Variants in CNDP2 observed in about 807,000 individuals in gnomAD.
CNDP2 encodes carnosine dipeptidase 2.
Under a neutral mutation model 55.0 loss-of-function variants are expected in CNDP2, and 38 were observed. The ratio of observed to expected loss-of-function variants is 0.69; its 90% CI spans 0.53 to 0.90. CNDP2 has a LOEUF of 0.90. CNDP2 is among the 40% of genes least tolerant of loss of function. CNDP2 has a pLI of 0.00. For synonymous variants in CNDP2, 241 were observed against 260.2 expected (o/e 0.93, Z 0.71); for missense variants, 607 against 621.7 (o/e 0.98, Z 0.25).
chr18:74,499,815 G>A (rs2144569043), intron 1 of CNDP2, 67 bp from the exon 2 acceptor site: 1 of 545,688 alleles, frequency 1.8e-6, no homozygotes, highest in Non-Finnish European at 3.2e-6. Context: ...CTCTGGCTGG[G>A]TGTTGCAGTG....
intron 10 of CNDP2, 78 bp from the exon 11 acceptor site, chr18:74,518,871 A>G (rs757043538): frequency 1.3e-6 from 2 of 1,587,274 alleles, no homozygotes. Flanking sequence ...ACTGAGTGCT[A>G]CTGAGTAGTG....
chr18:74,519,893 T>C (rs1485421122), intron 11 of CNDP2, 106 bp from the exon 12 acceptor site: 19 of 982,682 alleles, frequency 1.9e-5, no homozygotes, highest in Non-Finnish European at 2.9e-5. Context: ...TGGGGGATGC[T>C]CCCCAGGAAG....
chr18:74,511,748 G>A (rs1425755581), intron 6 of CNDP2, among the ~76,000 whole-genome samples: 1 of 152,054 alleles, frequency 6.6e-6, no homozygotes, highest in Non-Finnish European at 1.5e-5. Flanking sequence ...CACCAAGAGT[G>A]GGAAGGGACA....
intron 6 of CNDP2, chr18:74,512,228 G>C (rs928291107): frequency 1.9e-6 from 1 of 517,432 alleles, no homozygotes; most frequent in East Asian, 3.3e-5. Flanking sequence ...TAGTGTTACC[G>C]TCTTATCTGT....
chr18:74,517,239 A>C (rs1026806640), intron 9 of CNDP2: 1 of 152,188 alleles, frequency 6.6e-6, no homozygotes, highest in Non-Finnish European at 1.5e-5. Flanking sequence ...ACTACTAAAG[A>C]AAAAAAGCTA....
intron 1 of CNDP2, among the ~76,000 whole-genome samples, chr18:74,497,131 C>G (rs1414897170): frequency 6.6e-6 from 1 of 152,082 alleles, no homozygotes; most frequent in Non-Finnish European, 1.5e-5. Flanking sequence ...AAACTCCCCA[C>G]CGCCTGCCAA....
Position 74,499,927 on chromosome 18 carries a change from T to C in CNDP2, c.-47T>C. 1 of 1,586,168 alleles carries C rather than the reference T, an allele frequency of 6.3e-7. No homozygotes were observed. The highest frequency in any genetic ancestry group is 1.1e-5 in the South Asian group (1 of 90,402). ...AGAGACAGGACTGACCAGTTGCTCTTCCTTCCAAGAACCTTCGAGATCTGC... is the reference window on the plus strand; with the variant it reads ...AGAGACAGGACTGACCAGTTGCTCTCCCTTCCAAGAACCTTCGAGATCTGC... On this transcript the variant is annotated 5_prime_UTR_variant, in exon 2 of 12. Coordinates refer to ENST00000324262, the MANE Select transcript of CNDP2 (RefSeq NM_018235.3).
rs1599058984 is a variant in CNDP2 at position 74,501,047 on chromosome 18, G to A, written c.61-282G>A. 1.0e-5 allele frequency: 6 copies of A among 577,874 alleles called. No individual in the cohort carries two copies. The East Asian group carries it at 4.6e-4, about 45-fold the overall frequency. The allele number at this position is 577,874 out of a possible 1,614,324, so 35.8% of individuals were successfully genotyped here. A position where few individuals can be genotyped will look rare whatever the true frequency, so the allele number is the denominator to read the frequency against. The stretch of plus-strand genomic sequence containing the variant: ...GGGTCCGGTTTTGGGCCTGGCGCCG[G>A]GCTGCCTGTCTTTGATTTCACTTCC... On this transcript the variant is annotated intron_variant, in intron 2 of 11. Transcript: ENST00000324262.
chr18:74,500,643 T>C (rs1251732681), intron 2 of CNDP2, among the ~76,000 whole-genome samples: 1 of 152,224 alleles, frequency 6.6e-6, no homozygotes, highest in African/African-American at 2.4e-5. Context: ...TTTTGTACTC[T>C]AGTTCTTGGT....
At chr18:74,516,972 A>ACAGACGCGGTAGCTTACGTGG (rs1263589949) in intron 9 of CNDP2, 1 of 150,316 alleles carries the variant, frequency 6.7e-6, no homozygotes, top group Non-Finnish European at 1.5e-5. Context: ...AATAAAGACC[A>ACAGACGCGGTAGCTTACGTGG]CAGACGCGGT....
intron 8 of CNDP2, 28 bp downstream of exon 8, chr18:74,513,747 C>G: frequency 6.2e-7 from 1 of 1,605,562 alleles, no homozygotes; most frequent in Middle Eastern, 1.7e-4. Flanking sequence ...ACTCTGCCAC[C>G]TGCCCAGGCC....
At chr18:74,518,249 G>A (rs746222) in intron 9 of CNDP2, 22,178 of 316,856 alleles carry the variant, frequency 0.07, 1,426 homozygotes, top group African/African-American at 0.21. Flanking sequence ...ACAACAGAGC[G>A]AGACTCCATC....
At chr18:74,501,055 G>A (rs1483448776) in intron 2 of CNDP2, 42 of 667,136 alleles carry the variant, frequency 6.3e-5, no homozygotes, top group Non-Finnish European at 8.0e-5. Context: ...CGGGCTGCCT[G>A]TCTTTGATTT....
chr18:74,511,708 A>C (rs1028132495), intron 6 of CNDP2, among the ~76,000 whole-genome samples: 1 of 90,506 alleles, frequency 1.1e-5, no homozygotes, highest in African/African-American at 3.5e-5. Flanking sequence ...ACTCCACTTC[A>C]AAAAAAAAAA....
chr18:74,518,859 T>G, intron 10 of CNDP2, 90 bp from the exon 11 acceptor site: 1 of 1,558,772 alleles, frequency 6.4e-7, no homozygotes, highest in African/African-American at 1.4e-5. Context: ...GCACAGCATC[T>G]GACTGAGTGC....
intron 7 of CNDP2, 127 bp from the exon 8 acceptor site, chr18:74,513,432 G>T: frequency 1.0e-6 from 1 of 998,478 alleles, no homozygotes; most frequent in Non-Finnish European, 1.4e-6. Context: ...CCCCTCCTCA[G>T]CCACGTGGCT....
intron 3 of CNDP2, among the ~76,000 whole-genome samples, chr18:74,503,844 C>A (rs1351707859): frequency 1.6e-5 from 2 of 123,328 alleles, no homozygotes; most frequent in African/African-American, 3.2e-5. Context: ...CGTCAGGCCA[C>A]ACGCCACACA....
chr18:74,511,853 G>A (rs961604441), intron 6 of CNDP2, among the ~76,000 whole-genome samples: 3 of 152,222 alleles, frequency 2.0e-5, no homozygotes, highest in African/African-American at 4.8e-5. Context: ...GTCTGCAGAC[G>A]TCATTTATAA....
intron 3 of CNDP2, among the ~76,000 whole-genome samples, chr18:74,502,620 C>T (rs1002243326): frequency 1.3e-4 from 20 of 152,246 alleles, no homozygotes; most frequent in African/African-American, 4.8e-4. Context: ...TAGTTTATTT[C>T]AAATGATTTC....
Sources: allele counts gnomAD v4.1 joint callset (sites outside exome capture counted in the v4.1 genomes callset), GRCh38; gene constraint gnomAD v4.1.1; transcripts MANE v1.5; gene names NCBI Gene and HGNC (gene_info 2026-07-23, HGNC 2026-07-21).